The following PLAC1 variants were observed in gnomAD, a reference collection of about 807,000 sequenced individuals.
PLAC1 encodes placenta-specific protein 1.
For missense variants in PLAC1, 136 were observed against 163.2 expected (o/e 0.83, Z 0.91); for synonymous variants, 68 against 62.1 (o/e 1.09, Z -0.44).
At chrX:134,761,921 C>A (rs949109254) in intron 1 of PLAC1, among the ~76,000 whole-genome samples, 2 of 111,901 alleles carry the variant, frequency 1.8e-5, no homozygotes, top group African/African-American at 6.5e-5. Context: ...CACACAATTG[C>A]TAAAAATGAA....
rs1387875460 is a variant in PLAC1, at chrX:134,619,647, T to C, written c.-130-17525A>G. On this transcript the variant is annotated intron_variant, in intron 1 of 2. Coordinates refer to ENST00000359237, the MANE Select transcript of PLAC1 (RefSeq NM_021796.4). ...GCCTGGGTGACAAAGCAAGACTCCATCTCAAAAAAAAAAAAAAGAAAAAAG... is the reference window on the plus strand; with the variant it reads ...GCCTGGGTGACAAAGCAAGACTCCACCTCAAAAAAAAAAAAAAGAAAAAAG... 1.0e-4 allele frequency among the ~76,000 whole-genome samples: 10 copies of C among 95,560 alleles called. No homozygotes were observed. The Admixed American group carries it at 1.2e-3, about 11-fold the overall frequency. The allele number at this position is 95,560 out of a possible 115,157, so 83.0% of individuals were successfully genotyped here. A position where few individuals can be genotyped will look rare whatever the true frequency, so the allele number is the denominator to read the frequency against.
At chrX:134,573,168 A>G (rs891391780) in intron 2 of PLAC1, among the ~76,000 whole-genome samples, 1 of 111,831 alleles carries the variant, frequency 8.9e-6, no homozygotes, top group African/African-American at 3.2e-5. Context: ...AATTGCAAAG[A>G]TCAGGTCATG....
At chrX:134,624,682 A>G (rs771630855) in intron 1 of PLAC1, among the ~76,000 whole-genome samples, 2 of 111,908 alleles carry the variant, frequency 1.8e-5, no homozygotes, top group Non-Finnish European at 3.8e-5. Flanking sequence ...GGGGCTTTGT[A>G]TGTGGTTAAA....
At chrX:134,587,796 G>T (rs939881855) in intron 2 of PLAC1, among the ~76,000 whole-genome samples, 6 of 112,005 alleles carry the variant, frequency 5.4e-5, no homozygotes, top group African/African-American at 6.5e-5. Flanking sequence ...GGTGGCCTCT[G>T]CCGTGGCTCG....
intron 1 of PLAC1, among the ~76,000 whole-genome samples, chrX:134,747,574 A>G (rs1473792383): frequency 2.7e-5 from 3 of 111,375 alleles, no homozygotes; most frequent in African/African-American, 9.8e-5. Flanking sequence ...TCTGCTAGTC[A>G]CTCAGCTTAT....
intron 1 of PLAC1, among the ~76,000 whole-genome samples, chrX:134,644,564 T>C (rs1335800611): frequency 9.1e-6 from 1 of 110,484 alleles, no homozygotes; most frequent in Non-Finnish European, 1.9e-5. Flanking sequence ...AAGCCCTGCA[T>C]GCATTAGCTG....
chrX:134,589,379 A>G (rs893152846), intron 2 of PLAC1, among the ~76,000 whole-genome samples: 16 of 111,297 alleles, frequency 1.4e-4, no homozygotes, highest in African/African-American at 5.2e-4. Context: ...TGATGGATAC[A>G]TGAGTACTGA....
At chrX:134,590,053 G>A (rs920737736) in intron 2 of PLAC1, among the ~76,000 whole-genome samples, 4 of 109,612 alleles carry the variant, frequency 3.6e-5, no homozygotes, top group Admixed American at 2.0e-4. Context: ...AAATTAGCCG[G>A]GCGTGGTGGT....
chrX:134,691,128 T>C (rs1206071346), intron 2 of PLAC1, among the ~76,000 whole-genome samples: 2 of 101,700 alleles, frequency 2.0e-5, no homozygotes, highest in Non-Finnish European at 4.0e-5. Flanking sequence ...TTTTTTTTTT[T>C]CACAAGTTCC....
chrX:134,632,457 C>T (rs1324858525), intron 1 of PLAC1, among the ~76,000 whole-genome samples: 1 of 111,349 alleles, frequency 9.0e-6, no homozygotes, highest in Non-Finnish European at 1.9e-5. Flanking sequence ...ATCAGACATC[C>T]TCCCTTCTTC....
chrX:134,676,380 G>A (rs2078475222), intron 2 of PLAC1, among the ~76,000 whole-genome samples: 1 of 111,264 alleles, frequency 9.0e-6, no homozygotes, highest in African/African-American at 3.3e-5. Flanking sequence ...ACATTATGGG[G>A]GCTTCTCTTA....
intron 1 of PLAC1, among the ~76,000 whole-genome samples, chrX:134,624,242 A>G (rs1305275594): frequency 8.9e-6 from 1 of 112,250 alleles, no homozygotes; most frequent in African/African-American, 3.2e-5. Context: ...AACCCCTTGC[A>G]TAACAGGGAT....
chrX:134,722,720 G>A lies in PLAC1; in HGVS notation n.174+10715C>T, dbSNP rs115704280. ...AAAAAACGAAAAAGTTATTTTTGCA[G>A]GGAGATAACTGATTTTTGGTTTATA... On this transcript the variant is annotated intron_variant and non_coding_transcript_variant, in intron 2 of 2. Transcript: ENST00000466797. 4.9e-3 allele frequency among the ~76,000 whole-genome samples: 549 copies of A among 112,118 alleles called. 2 individuals are homozygous for A. Among genetic ancestry groups the A allele is most frequent in the African/African-American group, 0.017 (540 of 30,910 alleles).
intron 2 of PLAC1, among the ~76,000 whole-genome samples, chrX:134,663,479 C>T (rs2078424637): frequency 8.9e-6 from 1 of 112,694 alleles, no homozygotes; most frequent in South Asian, 3.6e-4. Context: ...TGCACACGTG[C>T]AGATTGTTAA....
At chrX:134,597,898 C>T (rs752406679) in intron 2 of PLAC1, among the ~76,000 whole-genome samples, 3 of 111,875 alleles carry the variant, frequency 2.7e-5, no homozygotes, top group Admixed American at 9.5e-5. Flanking sequence ...TTGCTAGCTT[C>T]TCTAGCAGCC....
chrX:134,572,449 C>T (rs184314561), intron 2 of PLAC1, among the ~76,000 whole-genome samples: 64 of 111,817 alleles, frequency 5.7e-4, no homozygotes, highest in Admixed American at 1.8e-3. Flanking sequence ...ACGCTGAGAC[C>T]GGTTTAGTTT....
chrX:134,695,746 A>G (rs936318592), intron 2 of PLAC1, among the ~76,000 whole-genome samples: 5 of 112,447 alleles, frequency 4.4e-5, no homozygotes, highest in African/African-American at 1.6e-4. Context: ...CAGCCAATAA[A>G]TTATTGATAA....
chrX:134,588,485 A>G, intron 2 of PLAC1, among the ~76,000 whole-genome samples: 1 of 108,658 alleles, frequency 9.2e-6, no homozygotes, highest in East Asian at 2.9e-4. Context: ...ACCCACAGGA[A>G]CCTGTGGTTG....
intron 2 of PLAC1, among the ~76,000 whole-genome samples, chrX:134,592,765 C>T (rs1315240093): frequency 9.9e-6 from 1 of 101,195 alleles, no homozygotes; most frequent in Non-Finnish European, 2.0e-5. Flanking sequence ...GCTCTGTCGC[C>T]CAGGCTGGAG....
Sources: allele counts gnomAD v4.1 joint callset (sites outside exome capture counted in the v4.1 genomes callset), GRCh38; gene constraint gnomAD v4.1.1; transcripts MANE v1.5; gene names NCBI Gene and HGNC (gene_info 2026-07-23, HGNC 2026-07-21).